The following BIRC6 variants were observed in gnomAD, a reference collection of about 807,000 sequenced individuals.
BIRC6 encodes baculoviral IAP repeat containing 6.
BIRC6 carries 98 observed loss-of-function variants against 503.3 expected under a neutral mutation model. That is an observed-to-expected ratio of 0.19 (90% CI 0.17 to 0.23). BIRC6 has a LOEUF of 0.23. Among genes scored for constraint, BIRC6 ranks in the 10% least tolerant of loss-of-function variants. BIRC6 has a pLI of 1.00. For synonymous variants in BIRC6, 2,240 were observed against 2,078.7 expected (o/e 1.08, Z -2.11); for missense variants, 5,360 against 5,806.0 (o/e 0.92, Z 2.50).
chr2:32,392,186 A>G, intron 5 of BIRC6, 36 bp downstream of exon 5: 1 of 1,379,936 alleles, frequency 7.2e-7, no homozygotes, highest in Non-Finnish European at 1.0e-6. Flanking sequence ...TTTTCTCAGT[A>G]GGCCTTTGTA....
chr2:32,481,992 T>C (rs2149202854), intron 38 of BIRC6, among the ~76,000 whole-genome samples: 1 of 152,320 alleles, frequency 6.6e-6, no homozygotes, highest in Middle Eastern at 3.4e-3. Context: ...CTACTCATAA[T>C]TATCATACAA....
At chr2:32,450,214 C>T (rs1267583583) in intron 22 of BIRC6, among the ~76,000 whole-genome samples, 2 of 152,148 alleles carry the variant, frequency 1.3e-5, no homozygotes, top group East Asian at 1.9e-4. Context: ...CACGGTGGCT[C>T]ACGCCTGTAA....
chr2:32,500,442 G>C (rs1270251767), intron 46 of BIRC6, among the ~76,000 whole-genome samples: 1 of 136,006 alleles, frequency 7.4e-6, no homozygotes, highest in Non-Finnish European at 1.6e-5. Context: ...TTTTTACCCC[G>C]AGCCAGAGTC....
At chr2:32,537,554 A>G (rs1158445125) in intron 61 of BIRC6, among the ~76,000 whole-genome samples, 2 of 152,206 alleles carry the variant, frequency 1.3e-5, no homozygotes, top group African/African-American at 4.8e-5. Context: ...AAAATTTTCT[A>G]CAATTCTTCA....
Position 32,357,480 on chromosome 2 carries a change from C to T in BIRC6, c.319C>T (p.Leu107Phe), listed in dbSNP as rs1573591452. 4 of 1,548,466 alleles carry T rather than the reference C, an allele frequency of 2.6e-6. No homozygotes were observed. The highest frequency in any genetic ancestry group is 2.6e-6 in the Non-Finnish European group (3 of 1,146,412). The change falls in exon 1 of 74, where the codon CTC becomes TTC. Residue 107 changes from leucine to phenylalanine, a missense_variant. Leu to Phe is a conservative substitution (Grantham distance 22, BLOSUM62 0). This residue lies in a region of BIRC6 where 47 missense variants were observed against 93.3 expected (regional missense o/e 0.50). Transcript: ENST00000421745. This position sits in a 1 kb window ranked among gnomAD's most constrained non-coding sequence, Gnocchi z 4.9. ...GGGGGCCACACTGCAGGCCTCCGCG[C>T]TCAGTGGTGAGTCTTCCGCACGCCG... ...TSGATLQASA[L>F]SAKPGGQVKC...
At chr2:32,407,235 C>T (rs1484202381) in intron 9 of BIRC6, among the ~76,000 whole-genome samples, 1 of 152,042 alleles carries the variant, frequency 6.6e-6, no homozygotes, top group Non-Finnish European at 1.5e-5. Context: ...CACCTGAGAT[C>T]AGGAGTTCGA....
intron 3 of BIRC6, among the ~76,000 whole-genome samples, chr2:32,387,301 CTT>C (rs1281320241): frequency 1.4e-3 from 172 of 123,408 alleles, no homozygotes; most frequent in Non-Finnish European, 1.8e-3. Flanking sequence ...CATTCTCCCT[CTT>C]TTTTTTTTTT....
intron 9 of BIRC6, among the ~76,000 whole-genome samples, chr2:32,412,506 CA>C (rs961169963): frequency 2.6e-4 from 37 of 143,860 alleles, no homozygotes; most frequent in African/African-American, 8.7e-4. Flanking sequence ...TCAAAAAAAA[CA>C]AAAAAAAAGA....
At chr2:32,571,993 A>G (rs375039470) in intron 65 of BIRC6, among the ~76,000 whole-genome samples, 4 of 152,194 alleles carry the variant, frequency 2.6e-5, no homozygotes, top group African/African-American at 9.7e-5. Flanking sequence ...GTGATCATTC[A>G]GTATCATGCT....
In BIRC6 at chr2:32,406,539, A is replaced by G; in HGVS notation, c.1459A>G (p.Arg487Gly). 1 of 1,610,656 alleles carries G rather than the reference A, an allele frequency of 6.2e-7. No individual in the cohort carries two copies. Among genetic ancestry groups the G allele is most frequent in the Non-Finnish European group, 8.5e-7 (1 of 1,177,676 alleles). Residue 487 changes from arginine to glycine, a missense_variant, in exon 9 of 74, where the codon AGA (arginine) becomes GGA (glycine). Physicochemically the swap from Arg to Gly is moderately radical, Grantham distance 125. This residue lies in a region of BIRC6 where 700 missense variants were observed against 739.3 expected (regional missense o/e 0.95). Coordinates refer to ENST00000421745, the MANE Select transcript of BIRC6 (RefSeq NM_016252.4). ...GGATTCAGACAGTGAAGAGCATTCCAGATCAGATTCTGTGACAGGTATGTA... is the reference window on the plus strand; with the variant it reads ...GGATTCAGACAGTGAAGAGCATTCCGGATCAGATTCTGTGACAGGTATGTA... ...LEDSDSEEHS[R>G]SDSVTGHTSQ...
rs2052887523 is a variant in BIRC6 at position 32,499,446 on chromosome 2, C to G, written c.8469-101C>G. On this transcript the variant is annotated intron_variant, in intron 45 of 73. Coordinates refer to ENST00000421745, the MANE Select transcript of BIRC6 (RefSeq NM_016252.4). ...AACTTTCTTGTATTGTGATAAGTTA[C>G]TACTTTCAGAACTACTTAAAATCGT... 5.8e-6 allele frequency: 6 copies of G among 1,033,408 alleles called. No individual in the cohort carries two copies. The African/African-American group carries it at 9.7e-5, about 17-fold the overall frequency. The allele number at this position is 1,033,408 out of a possible 1,614,324, so 64.0% of individuals were successfully genotyped here.
intron 4 of BIRC6, among the ~76,000 whole-genome samples, chr2:32,389,377 GAA>G (rs551799404): frequency 3.8e-5 from 5 of 131,820 alleles, no homozygotes; most frequent in Admixed American, 7.6e-5. Context: ...ATTTTATAAT[GAA>G]AAAAAAAAAA....
chr2:32,495,864 G>C (rs899737427), intron 45 of BIRC6, among the ~76,000 whole-genome samples: 3 of 144,036 alleles, frequency 2.1e-5, no homozygotes, highest in Non-Finnish European at 4.5e-5. Context: ...TTGAGACGGA[G>C]TCTCTCTCTG....
chr2:32,369,090 A>C (rs2035401509), intron 1 of BIRC6, among the ~76,000 whole-genome samples: 1 of 152,224 alleles, frequency 6.6e-6, no homozygotes, highest in African/African-American at 2.4e-5. Context: ...TTGAGTAAAG[A>C]TCTGCATGAT....
chr2:32,453,863 T>C lies in BIRC6; in HGVS notation c.4674T>C (p.Thr1558=). ...CTGAGGGTAGTTTCACATCTCTCAC[T>C]GGACTTTTGGAAGTTGAACCTCTGC... ...TAAEGSFTSL[T]GLLEVEPLHF... is the part of the protein sequence containing the mutation. Residue 1558 remains threonine (T), a synonymous_variant, in exon 23 of 74, where the codon ACT becomes ACC. Transcript: ENST00000421745. The C allele has an allele frequency of 6.2e-6, 10 of 1,613,770 alleles. No homozygotes were observed. Among genetic ancestry groups the C allele is most frequent in the Non-Finnish European group, 8.5e-6 (10 of 1,179,688 alleles).
chr2:32,464,991 T>C (rs1053994355), intron 25 of BIRC6, 74 bp from the exon 26 acceptor site: 8 of 1,317,664 alleles, frequency 6.1e-6, no homozygotes, highest in Middle Eastern at 3.7e-4. Flanking sequence ...TAATTTGCTA[T>C]TATGGTTAGT....
intron 73 of BIRC6, among the ~76,000 whole-genome samples, chr2:32,616,560 C>CAAA (rs201587938): frequency 6.3e-4 from 62 of 99,012 alleles, no homozygotes; most frequent in Admixed American, 7.9e-4. Context: ...ACCTTGTTCT[C>CAAA]AAAAAAAAAA....
intron 65 of BIRC6, among the ~76,000 whole-genome samples, chr2:32,567,330 A>T (rs1348468617): frequency 6.6e-6 from 1 of 152,210 alleles, no homozygotes; most frequent in Non-Finnish European, 1.5e-5. Context: ...CCATATCCAC[A>T]TACCTTTCCT....
intron 46 of BIRC6, among the ~76,000 whole-genome samples, chr2:32,500,728 C>T (rs1422095118): frequency 6.6e-6 from 1 of 150,774 alleles, no homozygotes; most frequent in East Asian, 2.0e-4. Flanking sequence ...GCCTCAGCCT[C>T]CCAAGTAGCT....
Sources: gnomAD v4.1 joint callset for allele counts (sites outside exome capture counted in the v4.1 genomes callset) on GRCh38, gnomAD v4.1.1 for gene constraint, gnomAD v4.1.1 regional missense constraint, Gnocchi (gnomAD v3.1) non-coding constraint, MANE v1.5 for transcripts, NCBI Gene and HGNC (gene_info 2026-07-23, HGNC 2026-07-21) for gene names.